Variants in SPOCK1 observed in about 807,000 individuals in gnomAD.
The protein encoded by SPOCK1 is SPARC (osteonectin), cwcv and kazal like domains proteoglycan 1.
SPOCK1 carries 23 observed loss-of-function variants against 55.3 expected under a neutral mutation model. The observed-to-expected ratio is 0.42, with a 90% CI of 0.30 to 0.59. The LOEUF is 0.59. Ranked by LOEUF, SPOCK1 falls within the 20% of genes least tolerant of loss-of-function variation. SPOCK1 has a pLI of 0.22. For synonymous variants in SPOCK1, 226 were observed against 221.0 expected, an observed-to-expected ratio of 1.02 and a Z score of -0.20; for missense variants, 499 against 552.5, an observed-to-expected ratio of 0.90 and a Z score of 0.97.
intron 9 of SPOCK1, among the ~76,000 whole-genome samples, chr5:136,983,619 C>CAAAAAAA (rs11364379): frequency 8.1e-5 from 11 of 135,340 alleles, no homozygotes; most frequent in Non-Finnish European, 6.4e-5. Flanking sequence ...CTCCTTGGAC[C>CAAAAAAA]AAAAAAAAAA....
intron 2 of SPOCK1, among the ~76,000 whole-genome samples, chr5:137,356,875 A>AGAGAGT (rs1160198739): frequency 2.3e-5 from 3 of 127,684 alleles, no homozygotes; most frequent in African/African-American, 9.0e-5. Flanking sequence ...AGAGAGAGAG[A>AGAGAGT]GTATGCAGAC....
intron 2 of SPOCK1, among the ~76,000 whole-genome samples, chr5:137,349,635 G>A (rs1231770492): frequency 6.6e-6 from 1 of 152,194 alleles, no homozygotes; most frequent in South Asian, 2.1e-4. Context: ...GAGGCCAGGA[G>A]GGAGAATCTG....
chr5:137,084,104 C>T (rs1752919037), intron 5 of SPOCK1, among the ~76,000 whole-genome samples: 1 of 152,130 alleles, frequency 6.6e-6, no homozygotes, highest in Non-Finnish European at 1.5e-5. Flanking sequence ...GTGCCCAGTG[C>T]AGAGTAAGTG....
intron 2 of SPOCK1, among the ~76,000 whole-genome samples, chr5:137,428,320 A>C (rs570882526): frequency 6.6e-6 from 1 of 152,336 alleles, no homozygotes; most frequent in Admixed American, 6.5e-5. Context: ...TCTGAGACAC[A>C]GTCACATCAC....
intron 3 of SPOCK1, among the ~76,000 whole-genome samples, chr5:137,222,250 G>A (rs566945000): frequency 2.0e-5 from 3 of 152,192 alleles, no homozygotes; most frequent in Admixed American, 6.5e-5. Flanking sequence ...TTTGATTCCC[G>A]CCCCCACTTC....
intron 4 of SPOCK1, among the ~76,000 whole-genome samples, chr5:137,137,965 AAC>A (rs558687794): frequency 5.5e-4 from 83 of 151,550 alleles, no homozygotes; most frequent in African/African-American, 1.8e-3. Flanking sequence ...TGAACACTCA[AAC>A]ACACACACAC....
At chr5:137,453,738 C>T (rs1421588964) in intron 2 of SPOCK1, among the ~76,000 whole-genome samples, 2 of 152,154 alleles carry the variant, frequency 1.3e-5, no homozygotes, top group Admixed American at 6.5e-5. Flanking sequence ...GGTATCTATG[C>T]CACAATAGTG....
chr5:137,269,411 TGA>T (rs1173267101), intron 2 of SPOCK1, among the ~76,000 whole-genome samples: 5 of 152,192 alleles, frequency 3.3e-5, no homozygotes, highest in African/African-American at 4.8e-5. Context: ...TGGCTGCAGC[TGA>T]GAGAGGAAAC....
At chr5:137,349,888 T>C in intron 2 of SPOCK1, among the ~76,000 whole-genome samples, 1 of 152,138 alleles carries the variant, frequency 6.6e-6, no homozygotes, top group East Asian at 1.9e-4. Flanking sequence ...CTCTAAAGAC[T>C]CTATTTCCAA....
chr5:137,471,359 T>G (rs1199545155), intron 2 of SPOCK1, among the ~76,000 whole-genome samples: 3 of 152,230 alleles, frequency 2.0e-5, no homozygotes, highest in South Asian at 2.1e-4. Flanking sequence ...TTGTTTTGCT[T>G]TGACACCCAA....
chr5:137,235,479 CA>C (rs1414296312), intron 3 of SPOCK1, among the ~76,000 whole-genome samples: 1 of 152,324 alleles, frequency 6.6e-6, no homozygotes, highest in South Asian at 2.1e-4. Flanking sequence ...TACCAATGAT[CA>C]CAAGTGCTGA....
At chr5:137,229,691 G>A (rs190043571) in intron 3 of SPOCK1, among the ~76,000 whole-genome samples, 7 of 152,268 alleles carry the variant, frequency 4.6e-5, no homozygotes, top group East Asian at 1.9e-4. Flanking sequence ...GGACCAGTTC[G>A]TGGAAGCAAA....
chr5:137,254,363 G>A (rs111961844), intron 3 of SPOCK1, among the ~76,000 whole-genome samples: 5 of 151,986 alleles, frequency 3.3e-5, no homozygotes, highest in South Asian at 2.1e-4. Context: ...CTGTGGTAAC[G>A]TGCCCAAATT....
chr5:137,005,816 C>G (rs1432101174), intron 6 of SPOCK1, among the ~76,000 whole-genome samples: 1 of 152,014 alleles, frequency 6.6e-6, no homozygotes, highest in Admixed American at 6.6e-5. Flanking sequence ...AAACAAAAGA[C>G]AACAATGGAA....
chr5:137,177,897 T>A (rs2127062445), intron 3 of SPOCK1, among the ~76,000 whole-genome samples: 1 of 152,048 alleles, frequency 6.6e-6, no homozygotes, highest in African/African-American at 2.4e-5. Context: ...GCTGGGGAAG[T>A]CCATGCCCTC....
At position 137,488,195 on chromosome 5, in the gene SPOCK1, G is replaced by A. The variant is rs143665522; in HGVS notation, c.186+10178C>T. Among the ~76,000 whole-genome samples, 622 of 152,144 alleles carry A rather than the reference G, an allele frequency of 4.1e-3. 4 individuals carry two copies. The highest frequency in any genetic ancestry group is 0.014 in the African/African-American group (590 of 41,506). On this transcript the variant is annotated intron_variant, in intron 2 of 10. Coordinates refer to ENST00000394945, the MANE Select transcript of SPOCK1 (RefSeq NM_004598.4). ...AGTTTGAGACCAGCCTGGCCAATGC[G>A]GCGAAACCCCATCTCTACTAAAAAT...
intron 2 of SPOCK1, among the ~76,000 whole-genome samples, chr5:137,274,054 G>A (rs1308062544): frequency 1.3e-5 from 2 of 152,256 alleles, no homozygotes; most frequent in East Asian, 3.9e-4. Flanking sequence ...TAACCCACTG[G>A]CTTGTTCTTT....
chr5:137,467,125 G>A (rs1753637488), intron 2 of SPOCK1, among the ~76,000 whole-genome samples: 1 of 152,228 alleles, frequency 6.6e-6, no homozygotes, highest in African/African-American at 2.4e-5. Context: ...TTACAGCATG[G>A]CCACTGGCCT....
rs1554093491 is a variant in SPOCK1, at chr5:137,024,322, G to GGT, written c.590-31723_590-31722insAC. 6.9e-5 allele frequency among the ~76,000 whole-genome samples: 10 copies of GGT among 144,312 alleles called. 1 individual carries two copies. Among genetic ancestry groups the GGT allele is most frequent in the African/African-American group, 2.3e-4 (9 of 38,372 alleles). 94.7% of individuals were successfully genotyped at this position (144,312 alleles called of 152,430 possible). A position where few individuals can be genotyped will look rare whatever the true frequency, so the allele number is the denominator to read the frequency against. On this transcript the variant is annotated intron_variant, in intron 6 of 10. Transcript: ENST00000394945. ...AAATTGCACCAGTTTGAAGGGGGGG[G>GGT]GGTAGTTACAACTGACTGCTCATGT...
Sources: gnomAD v4.1 joint callset for allele counts (sites outside exome capture counted in the v4.1 genomes callset) on GRCh38, gnomAD v4.1.1 for gene constraint, MANE v1.5 for transcripts, NCBI Gene and HGNC (gene_info 2026-07-23, HGNC 2026-07-21) for gene names.